RMDN2: variants seen among roughly 807,000 people sequenced by gnomAD.
RMDN2 encodes regulator of microtubule dynamics protein 2.
A neutral mutation model predicts 52.8 loss-of-function variants in RMDN2; 61 were observed. The observed-to-expected ratio is 1.16, with a 90% CI of 0.94 to 1.43. The LOEUF (loss-of-function observed/expected upper bound fraction) is 1.43. RMDN2 is among the 40% of genes most tolerant of loss of function. The pLI is 0.00. For synonymous variants in RMDN2, 180 were observed against 153.1 expected (o/e 1.18, Z -1.30); for missense variants, 592 against 475.3 (o/e 1.25, Z -2.28).
intron 5 of RMDN2, among the ~76,000 whole-genome samples, chr2:37,984,361 G>C (rs1282072099): frequency 6.6e-6 from 1 of 152,160 alleles, no homozygotes; most frequent in African/African-American, 2.4e-5. Flanking sequence ...TTACATATTG[G>C]TTGTGCTCTA....
intron 10 of RMDN2, among the ~76,000 whole-genome samples, chr2:38,061,931 T>C (rs1452103753): frequency 1.3e-5 from 2 of 152,182 alleles, no homozygotes; most frequent in Non-Finnish European, 2.9e-5. Context: ...ACTTTACCTC[T>C]CCTGCAAGGA....
chr2:38,029,953 C>T (rs926109435), intron 10 of RMDN2: 2 of 152,048 alleles, frequency 1.3e-5, no homozygotes, highest in Admixed American at 6.6e-5. Context: ...GAGAGCCAAG[C>T]GAAAGGGGTT....
upstream of RMDN2, among the ~76,000 whole-genome samples, chr2:37,922,524 T>A (rs905299559): frequency 6.6e-5 from 10 of 152,142 alleles, no homozygotes; most frequent in African/African-American, 2.4e-4. Context: ...TTTCAAATAG[T>A]TATCTAATAT....
At chr2:37,975,348 A>C in intron 4 of RMDN2, 34 bp downstream of exon 4, 1 of 1,221,400 alleles carries the variant, frequency 8.2e-7, no homozygotes. Context: ...CTCAAGTAGC[A>C]ATTAAGATCT....
chr2:38,009,192 G>A (rs577144469), intron 10 of RMDN2, among the ~76,000 whole-genome samples: 3 of 152,242 alleles, frequency 2.0e-5, no homozygotes, highest in African/African-American at 4.8e-5. Context: ...CTTGGAGTTA[G>A]TCTTCTCGAG....
chr2:37,933,577 C>G (rs940677467), intron 2 of RMDN2, among the ~76,000 whole-genome samples: 2 of 152,254 alleles, frequency 1.3e-5, no homozygotes, highest in Non-Finnish European at 2.9e-5. Flanking sequence ...GGAGACCAGC[C>G]CGGCCAACAC....
intron 2 of RMDN2, among the ~76,000 whole-genome samples, chr2:37,949,234 A>G (rs756596757): frequency 6.6e-5 from 10 of 152,130 alleles, no homozygotes; most frequent in Non-Finnish European, 1.0e-4. Flanking sequence ...ATCATTCTTT[A>G]TGTGGGCCAT....
At chr2:37,993,813 A>G (rs959382753) in intron 7 of RMDN2, among the ~76,000 whole-genome samples, 3 of 152,152 alleles carry the variant, frequency 2.0e-5, no homozygotes, top group Non-Finnish European at 4.4e-5. Flanking sequence ...GCACAAGCTT[A>G]CAGCAGTGAA....
upstream of RMDN2, among the ~76,000 whole-genome samples, chr2:37,925,089 G>A (rs1013088652): frequency 4.6e-5 from 7 of 152,204 alleles, no homozygotes; most frequent in African/African-American, 9.6e-5. Context: ...CGGGGGAAAA[G>A]GTGCCGACCG....
chr2:38,009,112 T>A (rs944349867), intron 10 of RMDN2, among the ~76,000 whole-genome samples: 12 of 152,178 alleles, frequency 7.9e-5, no homozygotes, highest in African/African-American at 1.9e-4. Flanking sequence ...GGGTAACCCG[T>A]CCTTTCTCTC....
chr2:38,041,026 T>C lies in RMDN2; in HGVS notation c.1714-25956T>C, dbSNP rs563863857. Among the ~76,000 whole-genome samples the C allele has an allele frequency of 9.2e-5, 14 of 152,364 alleles. No individual in the cohort carries two copies. In the East Asian group the frequency reaches 2.7e-3, roughly 29 times the overall value. ...TCAAATTCCAATTGTTTATTACAAG[T>C]ATATAGGAAAGCAATTGACTTTTGT... On this transcript the variant is annotated intron_variant, in intron 10 of 10. Transcript: ENST00000234195.
intron 7 of RMDN2, among the ~76,000 whole-genome samples, chr2:37,995,770 C>G (rs1190759205): frequency 6.6e-6 from 1 of 152,124 alleles, no homozygotes; most frequent in Non-Finnish European, 1.5e-5. Flanking sequence ...TTTCAAAGAA[C>G]TGATGTCATG....
chr2:37,980,938 A>G (rs1420514814), intron 4 of RMDN2, among the ~76,000 whole-genome samples: 1 of 152,200 alleles, frequency 6.6e-6, no homozygotes, highest in Non-Finnish European at 1.5e-5. Context: ...GGTACTCAGT[A>G]AATGTTGTTT....
At chr2:37,962,884 C>T (rs1160343476) in intron 2 of RMDN2, among the ~76,000 whole-genome samples, 2 of 152,200 alleles carry the variant, frequency 1.3e-5, no homozygotes, top group East Asian at 1.9e-4. Context: ...ATAGGAAAAG[C>T]GTAGCATCTG....
At chr2:38,032,299 C>T (rs947074482) in intron 10 of RMDN2, among the ~76,000 whole-genome samples, 1 of 152,154 alleles carries the variant, frequency 6.6e-6, no homozygotes, top group Admixed American at 6.5e-5. Flanking sequence ...CATCTGCTTT[C>T]TGTCACTATA....
At chr2:38,045,006 T>A (rs992544011) in intron 10 of RMDN2, among the ~76,000 whole-genome samples, 2 of 149,782 alleles carry the variant, frequency 1.3e-5, no homozygotes, top group African/African-American at 2.5e-5. Context: ...TTCTAGATAT[T>A]TTTTTTTTCT....
intron 10 of RMDN2, among the ~76,000 whole-genome samples, chr2:38,015,762 A>G (rs1017865956): frequency 1.3e-5 from 2 of 152,190 alleles, no homozygotes; most frequent in Non-Finnish European, 2.9e-5. Context: ...TAGAATATCT[A>G]CAGGAAGGAG....
intron 10 of RMDN2, chr2:38,033,314 C>T (rs947868341): frequency 1.3e-5 from 2 of 152,202 alleles, no homozygotes. Context: ...CTGTCCTTTC[C>T]TTCCCATCCC....
chr2:38,004,020 T>C lies in RMDN2; in HGVS notation c.1074T>C (p.Asn358=). The C allele has an allele frequency of 6.2e-7, 1 of 1,613,416 alleles. No homozygotes were observed. Among genetic ancestry groups the C allele is most frequent in the Non-Finnish European group, 8.5e-7 (1 of 1,179,486 alleles). ...KAEELCPGYS[N]PNYMYLAKCY... ...AAGAACTATGCCCTGGTTATTCTAA[T>C]CCCAATTACATGTACTTAGCAAAGG... Residue 358 remains asparagine (N), a synonymous_variant, in exon 9 of 11, where the codon AAT becomes AAC. Coordinates refer to ENST00000354545, the MANE Select transcript of RMDN2 (RefSeq NM_001170791.3).
Sources: allele counts gnomAD v4.1 joint callset (sites outside exome capture counted in the v4.1 genomes callset), GRCh38; gene constraint gnomAD v4.1.1; transcripts MANE v1.5; gene names NCBI Gene and HGNC (gene_info 2026-07-23, HGNC 2026-07-21).